Variants in NXF2 observed in about 807,000 individuals in gnomAD.
NXF2 encodes TAP-like protein 2.
chrX:102,251,962 G>A (rs1933824601), intron 2 of NXF2, among the ~76,000 whole-genome samples: 1 of 114,360 alleles, frequency 8.7e-6, no homozygotes. Flanking sequence ...GTGGGGTTCT[G>A]CCATGTTTTG....
intron 2 of NXF2, among the ~76,000 whole-genome samples, chrX:102,252,086 A>G (rs1162094515): frequency 1.0e-5 from 1 of 99,548 alleles, no homozygotes. Context: ...TCTGCCTCCC[A>G]GGTTCAAGCA....
intron 2 of NXF2, among the ~76,000 whole-genome samples, chrX:102,288,705 G>A (rs1198344506): frequency 1.6e-3 from 8 of 5,000 alleles, no homozygotes; most frequent in Non-Finnish European, 2.8e-3. Flanking sequence ...GTAGATACCC[G>A]GTAGGGGGAT....
rs1167490151 is a variant in NXF2 at position 102,285,918 on chromosome X, G to GT, written c.-53-21100dup. On this transcript the variant is annotated intron_variant, in intron 2 of 22. Transcript: ENST00000625106. ...CCCTGGGGGCTGGGACGTGTCCATG[G>GT]TTTTTTTTGTTTGTTTGTTTTTGTT... Among the ~76,000 whole-genome samples, 15 of 27,448 alleles carry GT rather than the reference G, an allele frequency of 5.5e-4. No homozygotes were observed. The South Asian group carries it at 8.8e-3, about 16-fold the overall frequency. 23.8% of individuals were successfully genotyped at this position (27,448 alleles called of 115,157 possible). A position where few individuals can be genotyped will look rare whatever the true frequency, so the allele number is the denominator to read the frequency against.
chrX:102,293,524 CATATATATATAT>C (rs1176337938), intron 2 of NXF2, among the ~76,000 whole-genome samples: 228 of 8,668 alleles, frequency 0.026, 14 homozygotes, highest in African/African-American at 0.067. Context: ...TCTTTCTTTC[CATATATATATAT>C]ATATATATAT....
At chrX:102,298,733 A>G (rs1328808676) in intron 2 of NXF2, among the ~76,000 whole-genome samples, 4 of 114,673 alleles carry the variant, frequency 3.5e-5, no homozygotes, top group African/African-American at 1.3e-4. Context: ...CCCTTATTCT[A>G]TGCAGAGCTA....
chrX:102,288,680 C>T (rs1442450871), intron 2 of NXF2, among the ~76,000 whole-genome samples: 1 of 3,682 alleles, frequency 2.7e-4, no homozygotes, highest in African/African-American at 1.4e-3. Context: ...GATATAATGA[C>T]TTGTCTTCTT....
chrX:102,252,182 G>A (rs1284838823), intron 2 of NXF2, among the ~76,000 whole-genome samples: 15 of 73,981 alleles, frequency 2.0e-4, no homozygotes, highest in Non-Finnish European at 1.8e-4. Flanking sequence ...TAGTAGAGAC[G>A]GGGTTTCACC....
At chrX:102,290,147 A>C (rs1336318657) in intron 2 of NXF2, among the ~76,000 whole-genome samples, 1 of 47,899 alleles carries the variant, frequency 2.1e-5, no homozygotes, top group Admixed American at 1.5e-4. Context: ...GCAAATCAAA[A>C]CCACAATGAG....
intron 2 of NXF2, among the ~76,000 whole-genome samples, chrX:102,281,728 A>ACCCCCCCCCCCCCCC (rs61468793): frequency 1.8e-4 from 10 of 55,620 alleles, no homozygotes; most frequent in African/African-American, 2.1e-4. Context: ...ATGTCGTGTG[A>ACCCCCCCCCCCCCCC]CCCCCCCCCT....
chrX:102,298,668 T>A (rs1444994363), intron 2 of NXF2, among the ~76,000 whole-genome samples: 3 of 111,214 alleles, frequency 2.7e-5, no homozygotes, highest in Non-Finnish European at 5.7e-5. Context: ...ATAAAGAGGG[T>A]GGTGGAGGAG....
intron 2 of NXF2, among the ~76,000 whole-genome samples, chrX:102,282,315 C>G (rs1602440711): frequency 8.7e-6 from 1 of 114,680 alleles, no homozygotes. Flanking sequence ...TTCCTTTCTG[C>G]TCTAACAGGA....
intron 2 of NXF2, among the ~76,000 whole-genome samples, chrX:102,298,842 T>A (rs1225789485): frequency 9.0e-6 from 1 of 110,879 alleles, no homozygotes; most frequent in African/African-American, 3.3e-5. Context: ...AGGTCAAGTA[T>A]CATGAAGTAA....
At chrX:102,282,102 G>A (rs1161795098) in intron 2 of NXF2, among the ~76,000 whole-genome samples, 3 of 82,861 alleles carry the variant, frequency 3.6e-5, no homozygotes, top group Non-Finnish European at 7.1e-5. Flanking sequence ...ACAGCCGTGA[G>A]CCACCACGCC....
intron 2 of NXF2, among the ~76,000 whole-genome samples, chrX:102,252,075 C>T (rs1165259198): frequency 3.8e-5 from 4 of 104,494 alleles, no homozygotes; most frequent in African/African-American, 1.4e-4. Context: ...TCACTGCAAC[C>T]TCTGCCTCCC....
At chrX:102,285,847 T>TG in intron 2 of NXF2, among the ~76,000 whole-genome samples, 1 of 17,812 alleles carries the variant, frequency 5.6e-5, no homozygotes, top group Non-Finnish European at 1.1e-4. Context: ...TGGATGATTT[T>TG]GGGGAACCAA....
intron 2 of NXF2, among the ~76,000 whole-genome samples, chrX:102,294,293 C>A: frequency 1.0e-5 from 1 of 99,199 alleles, no homozygotes. Context: ...ATCAATGTGA[C>A]AGTGAAAAAC....
At chrX:102,281,728 A>ACCCCCCCCCCCC (rs61468793) in intron 2 of NXF2, among the ~76,000 whole-genome samples, 14 of 55,611 alleles carry the variant, frequency 2.5e-4, no homozygotes, top group Non-Finnish European at 3.5e-4. Context: ...ATGTCGTGTG[A>ACCCCCCCCCCCC]CCCCCCCCCT....
intron 2 of NXF2, among the ~76,000 whole-genome samples, chrX:102,251,768 A>G (rs1933822186): frequency 1.3e-5 from 1 of 77,402 alleles, no homozygotes; most frequent in Non-Finnish European, 2.4e-5. Flanking sequence ...TATATTTGGA[A>G]TATTATCCAG....
chrX:102,282,396 C>T (rs1293642660), intron 2 of NXF2, among the ~76,000 whole-genome samples: 9 of 114,193 alleles, frequency 7.9e-5, no homozygotes, highest in African/African-American at 2.8e-4. Flanking sequence ...CTCTCCACAC[C>T]ATGCTGCTGT....
Sources: gnomAD v4.1 joint callset for allele counts (sites outside exome capture counted in the v4.1 genomes callset) on GRCh38, gnomAD v4.1.1 for gene constraint, MANE v1.5 for transcripts, NCBI Gene and HGNC (gene_info 2026-07-23, HGNC 2026-07-21) for gene names.